Variants in MAN2A1 observed in about 807,000 individuals in gnomAD.
MAN2A1 encodes alpha-mannosidase 2.
In MAN2A1, 76 loss-of-function variants were observed where a neutral mutation model predicts 142.6. The observed-to-expected ratio is 0.53, with a 90% CI of 0.44 to 0.65. The LOEUF is 0.65. MAN2A1 is among the 30% of genes least tolerant of loss of function. MAN2A1 has a pLI of 0.00. For missense variants in MAN2A1, 1,311 were observed against 1,365.1 expected (o/e 0.96, Z 0.62); for synonymous variants, 559 against 473.2 (o/e 1.18, Z -2.35).
chr5:109,736,580 C>T (rs1752105982), intron 4 of MAN2A1, among the ~76,000 whole-genome samples: 1 of 151,968 alleles, frequency 6.6e-6, no homozygotes, highest in Non-Finnish European at 1.5e-5. Flanking sequence ...AAAAATATTT[C>T]GTATTTTCTA....
chr5:109,769,113 G>C (rs1453105783), intron 6 of MAN2A1, among the ~76,000 whole-genome samples: 1 of 152,190 alleles, frequency 6.6e-6, no homozygotes, highest in African/African-American at 2.4e-5. Context: ...TAGGAGAGAA[G>C]AGTTTTAGGA....
chr5:109,857,365 A>G (rs1214642658), intron 20 of MAN2A1, among the ~76,000 whole-genome samples: 1 of 152,218 alleles, frequency 6.6e-6, no homozygotes, highest in Non-Finnish European at 1.5e-5. Flanking sequence ...GTCGTGTCAT[A>G]AATTCATGAG....
rs1301944495 is a variant in MAN2A1, at chr5:109,845,994, A to G, written c.2830A>G (p.Ser944Gly). 5 of 1,612,086 alleles carry G rather than the reference A, an allele frequency of 3.1e-6. No individual in the cohort carries two copies. In the African/African-American group the frequency reaches 6.7e-5, roughly 22 times the overall value. Residue 944 changes from serine to glycine, a missense_variant, in exon 18 of 22, where the codon AGT becomes GGT. Ser to Gly is a moderately conservative substitution (Grantham distance 56). Transcript: ENST00000261483. The stretch of plus-strand genomic sequence containing the variant: ...CTCTGCTCAGTCATTAGGGGTTTCG[A>G]GTTTGAATAGTGGTATGTATTGCTT... ...LLSAQSLGVS[S>G]LNSGQIEVIM... is the part of the protein sequence containing the mutation.
rs755601078 is a variant in MAN2A1, at chr5:109,788,917, A to C, written c.1761-17A>C. ...TTTTAAATTGTTTCTCAGACTAATA[A>C]AATTTTTGATTTACAGACTTTTTCA... On this transcript the variant is annotated splice_polypyrimidine_tract_variant and intron_variant, in intron 10 of 21. Transcript: ENST00000261483. 10 of 1,214,782 alleles carry C rather than the reference A, an allele frequency of 8.2e-6. No homozygotes were observed. Among genetic ancestry groups the C allele is most frequent in the African/African-American group, 1.5e-5 (1 of 66,596 alleles). The allele number at this position is 1,214,782 out of a possible 1,614,324, so 75.3% of individuals were successfully genotyped here.
chr5:109,729,643 C>G lies in MAN2A1; in HGVS notation c.707+130C>G, dbSNP rs967554816. The G allele has an allele frequency of 2.8e-5, 14 of 505,576 alleles. No individual in the cohort carries two copies. The Middle Eastern group carries it at 1.7e-3, about 60-fold the overall frequency. 31.3% of individuals were successfully genotyped at this position (505,576 alleles called of 1,614,324 possible). ...AAACTTAAAATATTTCTTCACATAC[C>G]GTTTTCGTTGATTTTGGTTCATCTC... On this transcript the variant is annotated intron_variant, in intron 4 of 21. Coordinates refer to ENST00000261483, the MANE Select transcript of MAN2A1 (RefSeq NM_002372.4).
chr5:109,763,179 C>G (rs540269577), intron 5 of MAN2A1, among the ~76,000 whole-genome samples: 1 of 152,310 alleles, frequency 6.6e-6, no homozygotes, highest in Admixed American at 6.5e-5. Flanking sequence ...GCACCTAGCA[C>G]AAGTGACTGT....
rs182325024 is a variant in MAN2A1, at chr5:109,704,311, C to A, written c.136-9209C>A. On this transcript the variant is annotated intron_variant, in intron 1 of 21. Transcript: ENST00000261483. ...ATTTGCCTGGGCAAAGAGTATATTG[C>A]TTCTGCAATTTGGTAAGGTATTCTG... Among the ~76,000 whole-genome samples the A allele has an allele frequency of 6.8e-4, 104 of 152,332 alleles. 1 individual carries two copies. Among genetic ancestry groups the A allele is most frequent in the African/African-American group, 2.3e-3 (96 of 41,560 alleles).
chr5:109,713,800 A>G (rs373614772), intron 2 of MAN2A1, 26 bp downstream of exon 2: 7 of 1,532,272 alleles, frequency 4.6e-6, no homozygotes, highest in East Asian at 4.6e-5. Flanking sequence ...GTTAATAATC[A>G]CTGGCCTTTT....
intron 4 of MAN2A1, among the ~76,000 whole-genome samples, chr5:109,740,188 C>T (rs1361121476): frequency 6.6e-6 from 1 of 152,144 alleles, no homozygotes; most frequent in Non-Finnish European, 1.5e-5. Context: ...CTCCTTAGTT[C>T]CTCTGTTGGA....
At chr5:109,862,272 C>T (rs1186365275) in intron 20 of MAN2A1, 1 of 152,174 alleles carries the variant, frequency 6.6e-6, no homozygotes, top group African/African-American at 2.4e-5. Flanking sequence ...TGGCTTCATT[C>T]TGCAAACCAA....
intron 7 of MAN2A1, among the ~76,000 whole-genome samples, chr5:109,774,004 A>C (rs1338004570): frequency 1.3e-5 from 2 of 152,202 alleles, no homozygotes; most frequent in Non-Finnish European, 2.9e-5. Flanking sequence ...ACTTTCTTAA[A>C]TGATGCCCTA....
chr5:109,849,671 T>A (rs1231565777), intron 19 of MAN2A1, among the ~76,000 whole-genome samples: 1 of 152,200 alleles, frequency 6.6e-6, no homozygotes, highest in Non-Finnish European at 1.5e-5. Flanking sequence ...CTTTCTGCCG[T>A]ATGTCTGTTC....
chr5:109,815,164 G>A (rs1754419459), intron 12 of MAN2A1, among the ~76,000 whole-genome samples: 1 of 152,220 alleles, frequency 6.6e-6, no homozygotes, highest in South Asian at 2.1e-4. Context: ...AGTCCCATTG[G>A]TAATAATGAA....
intron 7 of MAN2A1, among the ~76,000 whole-genome samples, chr5:109,771,819 A>G (rs1418512890): frequency 6.6e-6 from 1 of 152,182 alleles, no homozygotes; most frequent in Non-Finnish European, 1.5e-5. Context: ...GGAAGTTCTT[A>G]AAAGTGAACA....
At chr5:109,789,071 A>G (rs1219423599) in intron 11 of MAN2A1, 23 bp downstream of exon 11, 5 of 1,192,982 alleles carry the variant, frequency 4.2e-6, no homozygotes, top group Non-Finnish European at 6.1e-6. Flanking sequence ...ATCTATGGTC[A>G]TCATAAAAAT....
At chr5:109,780,520 G>A (rs552758328) in intron 8 of MAN2A1, among the ~76,000 whole-genome samples, 3 of 150,646 alleles carry the variant, frequency 2.0e-5, no homozygotes, top group Admixed American at 2.0e-4. Flanking sequence ...CTGTGTGTGT[G>A]TGTGTGTGTG....
At chr5:109,844,887 T>C (rs1755307684) in intron 17 of MAN2A1, among the ~76,000 whole-genome samples, 1 of 152,206 alleles carries the variant, frequency 6.6e-6, no homozygotes, top group Non-Finnish European at 1.5e-5. Context: ...GCAGAGGCTG[T>C]ATTTCAAAAT....
intron 20 of MAN2A1, among the ~76,000 whole-genome samples, chr5:109,857,396 A>G (rs1369607070): frequency 1.3e-5 from 2 of 152,216 alleles, no homozygotes; most frequent in African/African-American, 4.8e-5. Context: ...CAGAAAGAAT[A>G]GAGTGGAGGG....
At chr5:109,742,566 T>C (rs1752298760) in intron 4 of MAN2A1, among the ~76,000 whole-genome samples, 1 of 152,206 alleles carries the variant, frequency 6.6e-6, no homozygotes, top group Non-Finnish European at 1.5e-5. Context: ...AATCCAAACT[T>C]AACTAATGTG....
Sources: allele counts gnomAD v4.1 joint callset (sites outside exome capture counted in the v4.1 genomes callset), GRCh38; gene constraint gnomAD v4.1.1; transcripts MANE v1.5; gene names NCBI Gene and HGNC (gene_info 2026-07-23, HGNC 2026-07-21).